The following ATP2C1 variants were observed in gnomAD, a reference collection of about 807,000 sequenced individuals.
The protein encoded by ATP2C1 is ATPase secretory pathway Ca2+ transporting 1, also known as calcium-transporting ATPase type 2C member 1.
Under a neutral mutation model 120.5 loss-of-function variants are expected in ATP2C1, and 31 were observed. The ratio of observed to expected loss-of-function variants is 0.26; its 90% CI spans 0.19 to 0.35. ATP2C1 has a LOEUF of 0.35. Ranked by LOEUF, ATP2C1 falls within the 10% of genes least tolerant of loss-of-function variation. The probability of loss-of-function intolerance (pLI) is 1.00; values close to 1 mark genes in which losing one functional copy is unlikely to be tolerated. For synonymous variants in ATP2C1, 351 were observed against 358.7 expected, an observed-to-expected ratio of 0.98 and a Z score of 0.24; for missense variants, 731 against 1,107.5, an observed-to-expected ratio of 0.66 and a Z score of 4.83.
chr3:130,894,031 A>G, upstream of ATP2C1: 1 of 986,410 alleles, frequency 1.0e-6, no homozygotes, highest in Non-Finnish European at 1.2e-6. This position sits in a 1 kb window ranked among gnomAD's most constrained non-coding sequence, Gnocchi z 4.5. Flanking sequence ...GCGGGGCGCG[A>G]CTGGGCGGCC....
At position 130,963,967 on chromosome 3, in the gene ATP2C1, A is replaced by T. The variant is rs778644779; in HGVS notation, c.900-4A>T. 6.2e-7 allele frequency: 1 copy of T among 1,612,366 alleles called. No individual in the cohort carries two copies. Among genetic ancestry groups the T allele is most frequent in the Non-Finnish European group, 8.5e-7 (1 of 1,178,756 alleles). ...TTTTAATACTTTGTATATGTTGGTT[A>T]TAGTTTGGCTGTAGCAGCAATTCCT... On this transcript the variant is annotated splice_polypyrimidine_tract_variant and splice_region_variant and intron_variant, in intron 12 of 27. Coordinates refer to ENST00000510168, the MANE Select transcript of ATP2C1 (RefSeq NM_001378687.1).
chr3:130,885,615 AAACT>A (rs148853776), intron 1 of ATP2C1, among the ~76,000 whole-genome samples: 71,281 of 151,490 alleles, frequency 0.47, 18,976 homozygotes, highest in Non-Finnish European at 0.6. Flanking sequence ...AAAAAAAAGA[AAACT>A]AATAGAAACT....
intron 1 of ATP2C1, among the ~76,000 whole-genome samples, chr3:130,880,337 T>A (rs2068741669): frequency 6.6e-6 from 1 of 152,122 alleles, no homozygotes; most frequent in Admixed American, 6.5e-5. Flanking sequence ...AAGCCCCAAA[T>A]TTTCACCTCA....
chr3:130,958,794 T>C (rs904648527), intron 11 of ATP2C1, among the ~76,000 whole-genome samples: 14 of 152,314 alleles, frequency 9.2e-5, no homozygotes, highest in African/African-American at 2.9e-4. Context: ...TTGAGCCAAG[T>C]CGTAAGTGTC....
intron 1 of ATP2C1, among the ~76,000 whole-genome samples, chr3:130,876,946 A>G (rs1377363486): frequency 6.6e-6 from 1 of 152,106 alleles, no homozygotes; most frequent in Non-Finnish European, 1.5e-5. Flanking sequence ...TGATTTTTGT[A>G]TGTTGATTTT....
rs142974880 is a variant in ATP2C1, at chr3:130,925,801, C to T, written c.7-4615C>T. ...GGTGAGCTTGCTGCAGCTGCTGTTG[C>T]GGGGGGTGGGGTGAGGGTGTGGTTC... On this transcript the variant is annotated intron_variant, in intron 2 of 27. Coordinates refer to ENST00000510168, the MANE Select transcript of ATP2C1 (RefSeq NM_001378687.1). 9.6e-4 allele frequency among the ~76,000 whole-genome samples: 119 copies of T among 123,758 alleles called. 1 individual carries two copies. Among genetic ancestry groups the T allele is most frequent in the Middle Eastern group, 4.2e-3 (1 of 238 alleles). The allele number at this position is 123,758 out of a possible 152,430, so 81.2% of individuals were successfully genotyped here. A position where few individuals can be genotyped will look rare whatever the true frequency, so the allele number is the denominator to read the frequency against.
intron 22 of ATP2C1, among the ~76,000 whole-genome samples, chr3:130,995,550 T>C (rs1261817339): frequency 1.3e-5 from 2 of 152,250 alleles, no homozygotes; most frequent in Non-Finnish European, 2.9e-5. Flanking sequence ...GACAAATTAG[T>C]TCAGGTAGAG....
intron 2 of ATP2C1, among the ~76,000 whole-genome samples, chr3:130,917,614 A>G (rs1330056588): frequency 6.6e-6 from 1 of 152,262 alleles, no homozygotes; most frequent in Non-Finnish European, 1.5e-5. Flanking sequence ...ACTTGGGATC[A>G]GGTGAAAACT....
chr3:130,937,430 A>G lies in ATP2C1; in HGVS notation c.327A>G (p.Ala109=). The G allele has an allele frequency of 6.2e-7, 1 of 1,613,572 alleles. No homozygotes were observed. Among genetic ancestry groups the G allele is most frequent in the Non-Finnish European group, 8.5e-7 (1 of 1,179,470 alleles). The change falls in exon 6 of 28, where the codon GCA becomes GCG. Residue 109 remains alanine (A), a splice_region_variant and synonymous_variant. Coordinates refer to ENST00000510168, the MANE Select transcript of ATP2C1 (RefSeq NM_001378687.1). The stretch of plus-strand genomic sequence containing the variant: ...AAAAGCCTGTTTCTTTTGTTTAGGC[A>G]ATACTTATCGTTGTTACAGTTGCCT... ...QFDDAVSITV[A]ILIVVTVAFV...
intron 25 of ATP2C1, 141 bp downstream of exon 25, chr3:130,997,894 G>A (rs2062705143): frequency 4.8e-6 from 4 of 825,120 alleles, no homozygotes; most frequent in Non-Finnish European, 7.8e-6. Context: ...TTTTAAAAGA[G>A]TTTGATTTCC....
At chr3:130,881,211 G>T (rs575126699) in intron 1 of ATP2C1, among the ~76,000 whole-genome samples, 5 of 152,300 alleles carry the variant, frequency 3.3e-5, no homozygotes, top group African/African-American at 9.6e-5. Context: ...ATATGACACA[G>T]AATTTTTCCC....
chr3:130,883,173 G>A (rs1412434829), intron 1 of ATP2C1, among the ~76,000 whole-genome samples: 1 of 152,000 alleles, frequency 6.6e-6, no homozygotes, highest in African/African-American at 2.4e-5. Context: ...TTGAATTTCT[G>A]TAGTATCAGT....
At chr3:130,884,819 C>T (rs951906029) in intron 1 of ATP2C1, among the ~76,000 whole-genome samples, 6 of 151,880 alleles carry the variant, frequency 4.0e-5, no homozygotes, top group African/African-American at 1.5e-4. Flanking sequence ...AGCATAGCTA[C>T]TCCTGCTCTT....
chr3:130,979,430 A>C lies in ATP2C1; in HGVS notation c.1741+11A>C, dbSNP rs1481858376. On this transcript the variant is annotated intron_variant, in intron 19 of 27. Coordinates refer to ENST00000510168, the MANE Select transcript of ATP2C1 (RefSeq NM_001378687.1). ...CTGCAGTTGCAATCGGTATAACTAG[A>C]CTGCTTTCTTTTGTTTTCGATAGTT... The C allele has an allele frequency of 3.1e-6, 5 of 1,612,664 alleles. No individual in the cohort carries two copies. The highest frequency in any genetic ancestry group is 2.2e-5 in the East Asian group (1 of 44,804).
intron 20 of ATP2C1, among the ~76,000 whole-genome samples, chr3:130,983,722 G>A (rs577652541): frequency 2.6e-5 from 4 of 152,236 alleles, no homozygotes; most frequent in East Asian, 3.9e-4. Flanking sequence ...TGTCTCTGTA[G>A]TTTTGCCTTT....
chr3:130,934,075 G>A (rs990437273), intron 4 of ATP2C1, among the ~76,000 whole-genome samples: 6 of 152,194 alleles, frequency 3.9e-5, no homozygotes, highest in Non-Finnish European at 2.9e-5. Context: ...CTATAGTCCT[G>A]TTTCTTTGAT....
At chr3:130,951,852 C>G (rs1442759922) in intron 8 of ATP2C1, among the ~76,000 whole-genome samples, 1 of 152,072 alleles carries the variant, frequency 6.6e-6, no homozygotes, top group Non-Finnish European at 1.5e-5. Flanking sequence ...GTCATATTAT[C>G]TAAACTTCTG....
In ATP2C1 at chr3:131,012,260, C is replaced by CTT. The variant is rs71620100; in HGVS notation, c.2630-3876_2630-3875dup. Reference sequence around the variant, plus strand: ...CGGTCTTACATGGTTTTTCTTTTTTCTTTTTTTTTTTTTTTTTGAGACAGT... The same window carrying CTT: ...CGGTCTTACATGGTTTTTCTTTTTTCTTTTTTTTTTTTTTTTTTTGAGACAGT... On this transcript the variant is annotated intron_variant, in intron 26 of 26. Transcript: ENST00000328560. Among the ~76,000 whole-genome samples the CTT allele has an allele frequency of 8.9e-3, 1,138 of 127,152 alleles. 30 individuals carry two copies. Among genetic ancestry groups the CTT allele is most frequent in the Middle Eastern group, 0.05 (12 of 238 alleles). 83.4% of individuals were successfully genotyped at this position (127,152 alleles called of 152,430 possible).
At chr3:130,994,999 C>T (rs1560027820) in intron 22 of ATP2C1, among the ~76,000 whole-genome samples, 4 of 152,256 alleles carry the variant, frequency 2.6e-5, no homozygotes, top group South Asian at 2.1e-4. Flanking sequence ...AGGAGCAACA[C>T]GTAGCTTAAA....
Sources: allele counts gnomAD v4.1 joint callset (sites outside exome capture counted in the v4.1 genomes callset), GRCh38; gene constraint gnomAD v4.1.1; non-coding constraint Gnocchi (gnomAD v3.1); transcripts MANE v1.5; gene names NCBI Gene and HGNC (gene_info 2026-07-23, HGNC 2026-07-21).